The following PARL variants were observed in gnomAD, a reference collection of about 807,000 sequenced individuals.
PARL encodes the protein presenilin associated rhomboid like.
A neutral mutation model predicts 51.6 loss-of-function variants in PARL; 44 were observed. The observed-to-expected ratio is 0.85, with a 90% confidence interval of 0.67 to 1.10. PARL has a LOEUF of 1.10. Ranked by LOEUF, PARL falls within the 50% of genes least tolerant of loss-of-function variation. The probability of loss-of-function intolerance (pLI) is 0.00; values close to 1 mark genes in which losing one functional copy is unlikely to be tolerated. For missense variants in PARL, 441 were observed against 469.5 expected, an observed-to-expected ratio of 0.94 and a Z score of 0.56; for synonymous variants, 172 against 164.0, an observed-to-expected ratio of 1.05 and a Z score of -0.37.
chr3:183,837,669 C>T (rs367839792), intron 7 of PARL, among the ~76,000 whole-genome samples: 46 of 152,284 alleles, frequency 3.0e-4, no homozygotes, highest in Non-Finnish European at 4.6e-4. Context: ...TCACGGCACC[C>T]CCTCTCCTCA....
Position 183,859,441 on chromosome 3 carries a change from G to T in PARL, c.511+3312C>A, listed in dbSNP as rs889485084. Among the ~76,000 whole-genome samples, 3 of 151,988 alleles carry T rather than the reference G, an allele frequency of 2.0e-5. No individual in the cohort carries two copies. In the East Asian group the frequency reaches 5.9e-4, roughly 30 times the overall value. On this transcript the variant is annotated intron_variant, in intron 4 of 9. Transcript: ENST00000317096. ...CAACCTCTGCCTCCCAAGTTCAAGC[G>T]ATTCTCCTGCCTCAGCCTCCCAAGT...
intron 7 of PARL, among the ~76,000 whole-genome samples, chr3:183,837,459 A>G (rs554781729): frequency 3.3e-5 from 5 of 152,268 alleles, no homozygotes; most frequent in African/African-American, 1.2e-4. Context: ...GCATCCCAAT[A>G]CGCCTAACAG....
chr3:183,831,856 A>C (rs1392681627), intron 9 of PARL, among the ~76,000 whole-genome samples: 2 of 152,238 alleles, frequency 1.3e-5, no homozygotes, highest in Non-Finnish European at 2.9e-5. Flanking sequence ...TTTAAATTAG[A>C]AACAGTAAAG....
chr3:183,867,948 T>C lies in PARL; in HGVS notation c.238A>G (p.Ile80Val), dbSNP rs762387039. 38 of 1,613,680 alleles carry C rather than the reference T, an allele frequency of 2.4e-5. No individual in the cohort carries two copies. The highest frequency in any genetic ancestry group is 3.1e-5 in the Non-Finnish European group (36 of 1,179,690). ...AAGACTGTTTCTTCCACAGGAGGAA[T>C]CAAAGCACTTCTCTTGTATGCTTCA... ...SGEAYKRSAL[I>V]PPVEETVFYP... The change falls in exon 2 of 10, where the codon ATT becomes GTT. Residue 80 changes from isoleucine (I) to valine (V), a missense_variant. Physicochemically the swap from Ile to Val is conservative, Grantham distance 29. Transcript: ENST00000317096.
intron 2 of PARL, among the ~76,000 whole-genome samples, chr3:183,867,423 G>A (rs572745839): frequency 1.4e-4 from 22 of 151,986 alleles, no homozygotes; most frequent in South Asian, 2.1e-4. Flanking sequence ...ACTCTAGGCC[G>A]GGCGCAGTGG....
chr3:183,850,602 A>G (rs1458466836), intron 4 of PARL, among the ~76,000 whole-genome samples: 1 of 152,230 alleles, frequency 6.6e-6, no homozygotes, highest in Non-Finnish European at 1.5e-5. Flanking sequence ...ATTAACACCA[A>G]TCCTTCTCAA....
rs772489563 is a variant in PARL at position 183,862,749 on chromosome 3, A to C, written c.511+4T>G. ...ATGGTTAAAACGTGTAAGCTAACACAAACCTGTCACAGTCCGCTGGCCATC... is the reference window on the plus strand; with the variant it reads ...ATGGTTAAAACGTGTAAGCTAACACCAACCTGTCACAGTCCGCTGGCCATC... On this transcript the variant is annotated splice_donor_region_variant and intron_variant, in intron 4 of 9. Transcript: ENST00000317096. The C allele has an allele frequency of 1.2e-6, 2 of 1,612,344 alleles. No homozygotes were observed. The highest frequency in any genetic ancestry group is 4.5e-5 in the East Asian group (2 of 44,864).
At chr3:183,844,375 A>G (rs767148907) in intron 4 of PARL, 49 bp from the exon 5 acceptor site, 41 of 1,175,666 alleles carry the variant, frequency 3.5e-5, no homozygotes, top group Non-Finnish European at 5.0e-5. Flanking sequence ...TGAAAGCAGG[A>G]AAGTCTGATC....
At chr3:183,884,029 G>A (rs1410551180) in intron 1 of PARL, among the ~76,000 whole-genome samples, 1 of 152,178 alleles carries the variant, frequency 6.6e-6, no homozygotes, top group Non-Finnish European at 1.5e-5. Context: ...CAAAAGAGGA[G>A]GAAAATTTTC....
Position 183,884,831 on chromosome 3 carries a change from AGCCTCGCCAC to A in PARL, c.6_15del (p.Trp3GlyfsTer28). The stretch of plus-strand genomic sequence containing the variant: ...CCGCAGCCCCAGCCTCTCTGCGCCC[AGCCTCGCCAC>A]GCCATCTTCCCAACCTCTGCCCCAC... On this transcript the variant is annotated frameshift_variant, in exon 1 of 10. Transcript: ENST00000317096. LOFTEE classifies it high-confidence loss of function. 1.3e-6 allele frequency: 2 copies of A among 1,597,408 alleles called. No individual in the cohort carries two copies. Among genetic ancestry groups the A allele is most frequent in the Non-Finnish European group, 1.7e-6 (2 of 1,179,260 alleles).
At chr3:183,846,822 G>A (rs956997985) in intron 4 of PARL, 4 of 166,372 alleles carry the variant, frequency 2.4e-5, no homozygotes, top group Non-Finnish European at 4.9e-5. Context: ...AAAGTGAAAT[G>A]CACATACTTT....
At chr3:183,840,410 T>G (rs1433232195) in intron 7 of PARL, among the ~76,000 whole-genome samples, 160 bp downstream of exon 7, 1 of 152,232 alleles carries the variant, frequency 6.6e-6, no homozygotes, top group Non-Finnish European at 1.5e-5. Flanking sequence ...GTCAACTGTA[T>G]TGTTTCAATG....
At chr3:183,835,129 A>C (rs116142667) in intron 7 of PARL, among the ~76,000 whole-genome samples, 1,585 of 149,430 alleles carry the variant, frequency 0.011, 26 homozygotes, top group African/African-American at 0.038. Context: ...GCAACTTTCC[A>C]TAAGTTTTTA....
Position 183,844,293 on chromosome 3 carries a change from A to G in PARL, c.545T>C (p.Leu182Ser). ...CCGCTGCAGAGAAGGTACTCTCCAT[A>G]AACAGAATACAAGGACATTTGCAGC... ...IIAANVLVFC[L>S]WRVPSLQRTM... Residue 182 changes from leucine (L) to serine (S), a missense_variant, in exon 5 of 10, where the codon TTA (leucine) becomes TCA (serine). Leu to Ser is a moderately radical substitution (Grantham distance 145). Transcript: ENST00000317096. 6.2e-7 allele frequency: 1 copy of G among 1,607,406 alleles called. No homozygotes were observed. Among genetic ancestry groups the G allele is most frequent in the Non-Finnish European group, 8.5e-7 (1 of 1,174,152 alleles).
rs1431683009 is a variant in PARL at position 183,862,921 on chromosome 3, G to T, written c.463-120C>A. 3.8e-6 allele frequency: 3 copies of T among 793,154 alleles called. No homozygotes were observed. In the African/African-American group the frequency reaches 5.1e-5, roughly 14 times the overall value. 49.1% of individuals were successfully genotyped at this position (793,154 alleles called of 1,614,324 possible). ...TCCTCTTCTGCAAAAATCACTGGTGGTCACAGACATAATAAATACGTGGTA... is the reference window on the plus strand; with the variant it reads ...TCCTCTTCTGCAAAAATCACTGGTGTTCACAGACATAATAAATACGTGGTA... On this transcript the variant is annotated intron_variant, in intron 3 of 9. Coordinates refer to ENST00000317096, the MANE Select transcript of PARL (RefSeq NM_018622.7).
intron 1 of PARL, among the ~76,000 whole-genome samples, chr3:183,883,414 G>C (rs1243267004): frequency 6.6e-6 from 1 of 151,966 alleles, no homozygotes; most frequent in Non-Finnish European, 1.5e-5. Context: ...GATTACAGGC[G>C]CCCGCCACCA....
rs376711236 is a variant in PARL, at chr3:183,844,212, T to C, written c.607+19A>G. 1.9e-5 allele frequency: 28 copies of C among 1,448,078 alleles called. No individual in the cohort carries two copies. In the African/African-American group the frequency reaches 3.6e-4, roughly 19 times the overall value. The allele number at this position is 1,448,078 out of a possible 1,614,324, so 89.7% of individuals were successfully genotyped here. A position where few individuals can be genotyped will look rare whatever the true frequency, so the allele number is the denominator to read the frequency against. On this transcript the variant is annotated intron_variant, in intron 5 of 9. Coordinates refer to ENST00000317096, the MANE Select transcript of PARL (RefSeq NM_018622.7). Reference sequence around the variant, plus strand: ...ATATTATTTCTACCTTAAAATAAATTCACACAAGTTAGACTTACTTGAGGC... The same window carrying C: ...ATATTATTTCTACCTTAAAATAAATCCACACAAGTTAGACTTACTTGAGGC...
intron 1 of PARL, among the ~76,000 whole-genome samples, chr3:183,877,931 C>T (rs1350615729): frequency 6.6e-6 from 1 of 152,054 alleles, no homozygotes; most frequent in Non-Finnish European, 1.5e-5. Flanking sequence ...GCTGGGACTC[C>T]AGGCACACAC....
At chr3:183,828,230 C>T (rs1441375388), downstream of PARL, among the ~76,000 whole-genome samples, 1 of 152,226 alleles carries the variant, frequency 6.6e-6, no homozygotes, top group African/African-American at 2.4e-5. Context: ...ACAGAGATGT[C>T]TTCATTGCCT....
Sources: allele counts gnomAD v4.1 joint callset (sites outside exome capture counted in the v4.1 genomes callset), GRCh38; gene constraint gnomAD v4.1.1; transcripts MANE v1.5; gene names NCBI Gene and HGNC (gene_info 2026-07-23, HGNC 2026-07-21).